Variants in CNIH3 observed in about 807,000 individuals in gnomAD.
The protein encoded by CNIH3 is cornichon family AMPA receptor auxiliary protein 3.
A neutral mutation model predicts 24.1 loss-of-function variants in CNIH3; 14 were observed. That is an observed-to-expected ratio of 0.58 (90% CI 0.38 to 0.91). CNIH3 has a LOEUF of 0.91. Ranked by LOEUF, CNIH3 falls within the 40% of genes least tolerant of loss-of-function variation. The probability of loss-of-function intolerance (pLI) is 0.00; values close to 1 mark genes in which losing one functional copy is unlikely to be tolerated. For synonymous variants in CNIH3, 68 were observed against 73.8 expected (o/e 0.92, Z 0.40); for missense variants, 178 against 196.8 (o/e 0.90, Z 0.57).
chr1:224,504,608 A>T (rs1677817524), intron 1 of CNIH3, among the ~76,000 whole-genome samples: 1 of 149,494 alleles, frequency 6.7e-6, no homozygotes, highest in Non-Finnish European at 1.5e-5. Flanking sequence ...GAATTCCTCC[A>T]AGGAGTCATG....
At chr1:224,569,803 T>C (rs1274816968) in intron 4 of CNIH3, among the ~76,000 whole-genome samples, 3 of 152,040 alleles carry the variant, frequency 2.0e-5, no homozygotes, top group African/African-American at 7.3e-5. Flanking sequence ...CTTTTTTTTT[T>C]AGACAGAGTC....
At chr1:224,493,638 A>G (rs1212025531) in intron 1 of CNIH3, among the ~76,000 whole-genome samples, 1 of 152,230 alleles carries the variant, frequency 6.6e-6, no homozygotes, top group African/African-American at 2.4e-5. Context: ...TTTCAGTTAC[A>G]GTAAAAAGTA....
intron 1 of CNIH3, among the ~76,000 whole-genome samples, chr1:224,653,256 C>G (rs916671048): frequency 6.6e-6 from 1 of 152,084 alleles, no homozygotes; most frequent in African/African-American, 2.4e-5. Flanking sequence ...AACCCCATCT[C>G]TACTAAAAAT....
Position 224,734,577 on chromosome 1 carries a change from C to A in CNIH3, c.326C>A (p.Pro109Gln). The A allele has an allele frequency of 6.2e-7, 1 of 1,614,182 alleles. No individual in the cohort carries two copies. Among genetic ancestry groups the A allele is most frequent in the Non-Finnish European group, 8.5e-7 (1 of 1,180,026 alleles). The change falls in exon 5 of 6, where the codon CCA (proline) becomes CAA (glutamine). Residue 109 changes from proline (P) to glutamine (Q), a missense_variant. Physicochemically the swap from Pro to Gln is moderately conservative, Grantham distance 76. Coordinates refer to ENST00000272133, the MANE Select transcript of CNIH3 (RefSeq NM_152495.2). The stretch of plus-strand genomic sequence containing the variant: ...TCTCCCTGCAGGTATTTCCACTGTC[C>A]AGCAGATAGCTCAGAACTAGCCTAC... ...FYHFWRYFHC[P>Q]ADSSELAYDP...
At chr1:224,560,466 C>T (rs937614007) in intron 3 of CNIH3, among the ~76,000 whole-genome samples, 9 of 152,040 alleles carry the variant, frequency 5.9e-5, no homozygotes, top group African/African-American at 1.2e-4. Flanking sequence ...CAGCAGGAGG[C>T]GAGCAGTGGG....
chr1:224,460,900 G>A (rs1285749363), intron 1 of CNIH3, among the ~76,000 whole-genome samples: 1 of 151,868 alleles, frequency 6.6e-6, no homozygotes, highest in Non-Finnish European at 1.5e-5. Flanking sequence ...CTCCTGAGTA[G>A]CTGTGAGTAG....
Position 224,458,600 on chromosome 1 carries a change from C to T in CNIH3, n.203+23738C>T, listed in dbSNP as rs1287352748. 6.6e-6 allele frequency among the ~76,000 whole-genome samples: 1 copy of T among 152,320 alleles called. No individual in the cohort carries two copies. The highest frequency in any genetic ancestry group is 1.9e-4 in the East Asian group (1 of 5,186). On this transcript the variant is annotated intron_variant and non_coding_transcript_variant, in intron 1 of 5. Coordinates refer to the CNIH3 transcript ENST00000471578. The surrounding 1 kb of genome is among the most constrained non-coding windows in gnomAD (Gnocchi z 4.3). ...TTCCAACCTTCCACTGTTGAACAGACCTCCTACCACTTTCCTACTACTCCC... is the reference window on the plus strand; with the variant it reads ...TTCCAACCTTCCACTGTTGAACAGATCTCCTACCACTTTCCTACTACTCCC...
intron 3 of CNIH3, among the ~76,000 whole-genome samples, chr1:224,699,496 G>A (rs1412911491): frequency 2.6e-5 from 4 of 152,114 alleles, no homozygotes; most frequent in African/African-American, 4.8e-5. Flanking sequence ...GTGTCGGCAG[G>A]GTTGGTTCCT....
intron 1 of CNIH3, among the ~76,000 whole-genome samples, chr1:224,643,882 A>T (rs538480357): frequency 6.6e-6 from 1 of 152,066 alleles, no homozygotes; most frequent in South Asian, 2.1e-4. Flanking sequence ...GGTTGGCTGG[A>T]GTTTCTCTGG....
chr1:224,450,340 C>T (rs1444439003), intron 1 of CNIH3, among the ~76,000 whole-genome samples: 9 of 152,206 alleles, frequency 5.9e-5, no homozygotes, highest in South Asian at 2.1e-4. Context: ...GATGGTATGA[C>T]GTGCTAGGCA....
upstream of CNIH3, among the ~76,000 whole-genome samples, chr1:224,514,196 G>A (rs1678286580): frequency 6.6e-6 from 1 of 152,130 alleles, no homozygotes; most frequent in East Asian, 1.9e-4. Flanking sequence ...GAGACCAAGA[G>A]GTATAAAATG....
At chr1:224,567,435 T>C (rs1427578348) in intron 4 of CNIH3, among the ~76,000 whole-genome samples, 1 of 152,226 alleles carries the variant, frequency 6.6e-6, no homozygotes, top group Admixed American at 6.5e-5. Flanking sequence ...AGACATGAAG[T>C]CTTTGCCCAT....
intron 1 of CNIH3, among the ~76,000 whole-genome samples, chr1:224,518,459 G>A (rs1228735807): frequency 6.6e-6 from 1 of 151,868 alleles, no homozygotes; most frequent in African/African-American, 2.4e-5. Flanking sequence ...GCCTTCCTGG[G>A]ACTACAGGCA....
chr1:224,616,540 C>A lies in CNIH3; in HGVS notation c.-635C>A, dbSNP rs1048875350. The A allele has an allele frequency of 2.0e-6, 2 of 986,822 alleles. No individual in the cohort carries two copies. The highest frequency in any genetic ancestry group is 2.4e-6 in the Non-Finnish European group (2 of 830,758). The allele number at this position is 986,822 out of a possible 1,614,324, so 61.1% of individuals were successfully genotyped here. A position where few individuals can be genotyped will look rare whatever the true frequency, so the allele number is the denominator to read the frequency against. On this transcript the variant is annotated 5_prime_UTR_variant, in exon 1 of 6. Transcript: ENST00000272133. Reference sequence around the variant, plus strand: ...GGGGACGGGCGCGCCTCGGAGCGCACGGCTGCGCTGGAAGCCGCGTCTGGG... The same window carrying A: ...GGGGACGGGCGCGCCTCGGAGCGCAAGGCTGCGCTGGAAGCCGCGTCTGGG...
intron 1 of CNIH3, among the ~76,000 whole-genome samples, chr1:224,654,391 GA>G (rs1310177833): frequency 6.6e-6 from 1 of 151,988 alleles, no homozygotes; most frequent in East Asian, 1.9e-4. Context: ...CAACAACAAC[GA>G]AAAAAAGATT....
chr1:224,558,874 C>T (rs920004373), intron 3 of CNIH3, among the ~76,000 whole-genome samples: 3 of 152,204 alleles, frequency 2.0e-5, no homozygotes, highest in Admixed American at 1.3e-4. Flanking sequence ...GTATCATTTT[C>T]AGCTTTTTAA....
chr1:224,564,786 C>G (rs1680513697), intron 3 of CNIH3, among the ~76,000 whole-genome samples: 1 of 152,252 alleles, frequency 6.6e-6, no homozygotes, highest in Non-Finnish European at 1.5e-5. Context: ...CCTGCTCTAC[C>G]TTCCACAAGG....
chr1:224,445,373 C>T (rs1221415782), intron 1 of CNIH3, among the ~76,000 whole-genome samples: 2 of 151,406 alleles, frequency 1.3e-5, no homozygotes, highest in Admixed American at 1.3e-4. Context: ...GTCAGGAGTT[C>T]GAAATCAGCC....
chr1:224,490,163 AACAAGTATTTAAAGGAAAAAATT>A (rs1426126093), intron 1 of CNIH3, among the ~76,000 whole-genome samples: 1 of 152,242 alleles, frequency 6.6e-6, no homozygotes, highest in East Asian at 1.9e-4. Context: ...TAAAAAATGC[AACAAGTATTTAAAGGAAAAAATT>A]ACCAAATCAC....
Sources: allele counts gnomAD v4.1 joint callset (sites outside exome capture counted in the v4.1 genomes callset), GRCh38; gene constraint gnomAD v4.1.1; non-coding constraint Gnocchi (gnomAD v3.1); transcripts MANE v1.5; gene names NCBI Gene and HGNC (gene_info 2026-07-23, HGNC 2026-07-21).